CDH4: variants seen among roughly 807,000 people sequenced by gnomAD.
The protein encoded by CDH4 is cadherin-4.
CDH4 carries 33 observed loss-of-function variants against 86.0 expected under a neutral mutation model. The ratio of observed to expected loss-of-function variants is 0.38; its 90% confidence interval spans 0.29 to 0.51. The LOEUF is 0.51. Ranked by LOEUF, CDH4 falls within the 20% of genes least tolerant of loss-of-function variation. The pLI is 0.86. For missense variants in CDH4, 1,114 were observed against 1,307.4 expected (o/e 0.85, Z 2.28); for synonymous variants, 555 against 549.4 (o/e 1.01, Z -0.14).
chr20:61,741,828 G>A (rs368002837), intron 2 of CDH4, among the ~76,000 whole-genome samples: 1 of 151,984 alleles, frequency 6.6e-6, no homozygotes, highest in African/African-American at 2.4e-5. Flanking sequence ...AGGAGCCACC[G>A]CGCCCAGCCG....
chr20:61,901,056 G>C (rs4925310), intron 8 of CDH4, among the ~76,000 whole-genome samples: 110,446 of 152,092 alleles, frequency 0.73, 43,414 homozygotes, highest in Non-Finnish European at 0.88. Flanking sequence ...TCCAATCCCG[G>C]GTAAGAAGAT....
chr20:61,383,754 C>A (rs376366404), intron 2 of CDH4, among the ~76,000 whole-genome samples: 2 of 61,612 alleles, frequency 3.2e-5, no homozygotes, highest in East Asian at 4.7e-4. Flanking sequence ...AAGATATATG[C>A]ATATATATGA....
chr20:61,400,574 C>T (rs1233755366), intron 2 of CDH4, among the ~76,000 whole-genome samples: 1 of 152,244 alleles, frequency 6.6e-6, no homozygotes, highest in African/African-American at 2.4e-5. Context: ...AGGGACTCTG[C>T]TCCATATGGT....
rs2088370171 is a variant in CDH4, at chr20:61,743,551, C to T, written c.170-12C>T. On this transcript the variant is annotated splice_polypyrimidine_tract_variant and intron_variant, in intron 2 of 15. Transcript: ENST00000614565. ...CCAAGCCGACCCTGACTCTCTCCCC[C>T]TCCTCTTGCAGTCAAGTTCAGCAGC... The T allele has an allele frequency of 3.2e-6, 5 of 1,552,548 alleles. No individual in the cohort carries two copies. The highest frequency in any genetic ancestry group is 3.9e-5 in the Admixed American group (2 of 51,330).
intron 2 of CDH4, among the ~76,000 whole-genome samples, chr20:61,312,233 GCA>G (rs1568792817): frequency 6.6e-6 from 1 of 150,990 alleles, no homozygotes; most frequent in African/African-American, 2.4e-5. Context: ...TGTGGTGTGT[GCA>G]TGTGTGTGGT....
intron 4 of CDH4, among the ~76,000 whole-genome samples, chr20:61,800,765 G>A (rs1361362495): frequency 4.6e-5 from 7 of 152,220 alleles, no homozygotes; most frequent in Non-Finnish European, 8.8e-5. Context: ...CCAAGGGGCC[G>A]GGGCTGGGAG....
chr20:61,401,845 C>T (rs62199089), intron 2 of CDH4, among the ~76,000 whole-genome samples: 9,053 of 152,238 alleles, frequency 0.059, 317 homozygotes, highest in African/African-American at 0.1. Context: ...TCTGCTGGAA[C>T]GGAGGCCCAT....
At chr20:61,441,362 A>G (rs2085314301) in intron 2 of CDH4, among the ~76,000 whole-genome samples, 3 of 152,218 alleles carry the variant, frequency 2.0e-5, no homozygotes, top group African/African-American at 7.2e-5. Flanking sequence ...AGGGCCTCAC[A>G]GCTAGTTGGG....
At chr20:61,328,465 GC>G (rs2084549434) in intron 2 of CDH4, among the ~76,000 whole-genome samples, 1 of 152,148 alleles carries the variant, frequency 6.6e-6, no homozygotes, top group Admixed American at 6.5e-5. Context: ...GTGAGCCACC[GC>G]GCCCGGCCCA....
chr20:61,772,615 G>A (rs1051363378), intron 3 of CDH4, among the ~76,000 whole-genome samples: 2 of 152,200 alleles, frequency 1.3e-5, no homozygotes, highest in South Asian at 2.1e-4. Flanking sequence ...TTTTGGGTCT[G>A]TTTTCATAAA....
rs367543860 is a variant in CDH4 at position 61,743,801 on chromosome 20, C to T, written c.396+12C>T. On this transcript the variant is annotated intron_variant, in intron 3 of 15. Transcript: ENST00000614565. Reference sequence around the variant, plus strand: ...ACTCTGGACACAAGGTAAGGTGTGACCGCCCGGGTCTGCGCTGGAGTTTAG... The same window carrying T: ...ACTCTGGACACAAGGTAAGGTGTGATCGCCCGGGTCTGCGCTGGAGTTTAG... 18 of 1,573,084 alleles carry T rather than the reference C, an allele frequency of 1.1e-5. No homozygotes were observed. The highest frequency in any genetic ancestry group is 1.6e-5 in the Non-Finnish European group (18 of 1,156,682).
chr20:61,477,414 G>A (rs1210884063), intron 2 of CDH4, among the ~76,000 whole-genome samples: 4 of 152,352 alleles, frequency 2.6e-5, no homozygotes, highest in African/African-American at 9.6e-5. Context: ...TGTCAAGATG[G>A]CAGACCTGTG....
At chr20:61,289,226 C>T (rs1443955531) in intron 2 of CDH4, among the ~76,000 whole-genome samples, 2 of 152,180 alleles carry the variant, frequency 1.3e-5, no homozygotes, top group African/African-American at 4.8e-5. Context: ...TGCTGAGCGG[C>T]GTGCTCCCAG....
chr20:61,824,185 A>G (rs1017297955), intron 4 of CDH4, among the ~76,000 whole-genome samples: 1 of 151,972 alleles, frequency 6.6e-6, no homozygotes, highest in African/African-American at 2.4e-5. Flanking sequence ...CCCCTCCTAC[A>G]CTGTCCTCAG....
chr20:61,539,549 GC>G (rs1405306694), intron 2 of CDH4, among the ~76,000 whole-genome samples: 2 of 152,130 alleles, frequency 1.3e-5, no homozygotes, highest in Non-Finnish European at 2.9e-5. Flanking sequence ...CACCCTAATG[GC>G]CTGATTTTGC....
intron 2 of CDH4, among the ~76,000 whole-genome samples, chr20:61,442,344 A>C (rs2085318957): frequency 6.6e-6 from 1 of 152,252 alleles, no homozygotes; most frequent in Non-Finnish European, 1.5e-5. Context: ...CTCCACTTGC[A>C]GAACCTGTTT....
At chr20:61,762,771 C>A (rs2088651321) in intron 3 of CDH4, among the ~76,000 whole-genome samples, 1 of 152,336 alleles carries the variant, frequency 6.6e-6, no homozygotes, top group Non-Finnish European at 1.5e-5. Context: ...GCTATGCTGC[C>A]TATCAGAGAA....
At chr20:61,843,489 C>T (rs915971625) in intron 4 of CDH4, among the ~76,000 whole-genome samples, 7 of 116,614 alleles carry the variant, frequency 6.0e-5, no homozygotes, top group Non-Finnish European at 8.1e-5. Flanking sequence ...GCCAGAAGTT[C>T]GAGACCAGCC....
chr20:61,775,827 G>C (rs2088834454), intron 4 of CDH4, among the ~76,000 whole-genome samples: 1 of 152,206 alleles, frequency 6.6e-6, no homozygotes, highest in African/African-American at 2.4e-5. Context: ...CTGGCTCTTG[G>C]AGTTTCTCAG....
Sources: allele counts gnomAD v4.1 joint callset (sites outside exome capture counted in the v4.1 genomes callset), GRCh38; gene constraint gnomAD v4.1.1; transcripts MANE v1.5; gene names NCBI Gene and HGNC (gene_info 2026-07-23, HGNC 2026-07-21).